The following ZNF704 variants were observed in gnomAD, a reference collection of about 807,000 sequenced individuals.
ZNF704 encodes the protein zinc finger protein 704, also known as glucocorticoid induced gene 1.
Under a neutral mutation model 44.7 loss-of-function variants are expected in ZNF704, and 10 were observed. The ratio of observed to expected loss-of-function variants is 0.22; its 90% CI spans 0.14 to 0.38. ZNF704 has a LOEUF of 0.38. Among genes scored for constraint, ZNF704 ranks in the 10% least tolerant of loss-of-function variants. The pLI is 1.00. For synonymous variants in ZNF704, 211 were observed against 207.6 expected, an observed-to-expected ratio of 1.02 and a Z score of -0.14; for missense variants, 390 against 545.5, an observed-to-expected ratio of 0.71 and a Z score of 2.84.
chr8:80,736,682 T>C (rs182975425), intron 2 of ZNF704, among the ~76,000 whole-genome samples: 1 of 152,236 alleles, frequency 6.6e-6, no homozygotes, highest in Admixed American at 6.5e-5. Context: ...CAATGGACTT[T>C]GGGGACTCAG....
intron 1 of ZNF704, among the ~76,000 whole-genome samples, chr8:80,873,171 TCA>T (rs1288499164): frequency 6.6e-6 from 1 of 152,054 alleles, no homozygotes; most frequent in Non-Finnish European, 1.5e-5. Flanking sequence ...GAATAAAATC[TCA>T]CTCTCCCCTG....
At chr8:80,741,108 G>T (rs1331533535) in intron 2 of ZNF704, among the ~76,000 whole-genome samples, 2 of 152,210 alleles carry the variant, frequency 1.3e-5, no homozygotes, top group Non-Finnish European at 2.9e-5. Context: ...AAACCCTAAA[G>T]CAACTAAGAG....
At position 80,685,938 on chromosome 8, in the gene ZNF704, C is replaced by T. The variant is rs566269563; in HGVS notation, c.558+1288G>A. Among the ~76,000 whole-genome samples, 307 of 152,290 alleles carry T rather than the reference C, an allele frequency of 2.0e-3. 2 individuals carry two copies. Among genetic ancestry groups the T allele is most frequent in the African/African-American group, 7.1e-3 (296 of 41,562 alleles). On this transcript the variant is annotated intron_variant, in intron 4 of 8. Transcript: ENST00000327835. The stretch of plus-strand genomic sequence containing the variant: ...TTTGTATTGGATTTTTGTTTGTGAA[C>T]AGCCATTCATAATGAAGCTACCAAT...
At position 80,687,197 on chromosome 8, in the gene ZNF704, T is replaced by C. The variant is rs199799068; in HGVS notation, c.558+29A>G. 1.7e-5 allele frequency: 27 copies of C among 1,591,870 alleles called. 1 individual carries two copies. In the South Asian group the frequency reaches 2.9e-4, roughly 17 times the overall value. On this transcript the variant is annotated intron_variant, in intron 4 of 8. Transcript: ENST00000327835. ...CAGAAAGCACCTTCAGGAAACTGAA[T>C]GCAGAAGACCGCGTGGCTGACCACC...
chr8:80,839,732 A>T (rs1475661974), intron 1 of ZNF704, among the ~76,000 whole-genome samples: 1 of 152,176 alleles, frequency 6.6e-6, no homozygotes, highest in Non-Finnish European at 1.5e-5. Context: ...AGATGACTGT[A>T]GGGGGACCTT....
rs191091032 is a variant in ZNF704, at chr8:80,840,615, C to A, written c.-21-19000G>T. On this transcript the variant is annotated intron_variant, in intron 1 of 8. Transcript: ENST00000327835. ...ATCCCCTGATCCTGCTCAACTATTG[C>A]TCCTCTGCTCTATTCCCCGTCAGTC... is the stretch of plus-strand genomic sequence containing the variant. Among the ~76,000 whole-genome samples, 33 of 152,246 alleles carry A rather than the reference C, an allele frequency of 2.2e-4. No individual in the cohort carries two copies. In the East Asian group the frequency reaches 5.2e-3, roughly 24 times the overall value.
intron 2 of ZNF704, among the ~76,000 whole-genome samples, chr8:80,782,004 C>T (rs1807531798): frequency 6.6e-6 from 1 of 152,182 alleles, no homozygotes; most frequent in South Asian, 2.1e-4. Context: ...ATGGCTTTTG[C>T]TATATCTCAT....
intron 7 of ZNF704, among the ~76,000 whole-genome samples, chr8:80,646,557 C>T (rs553655952): frequency 1.9e-4 from 29 of 151,992 alleles, no homozygotes; most frequent in African/African-American, 7.0e-4. Context: ...CTATTCTATA[C>T]CACTGGTCTT....
intron 1 of ZNF704, among the ~76,000 whole-genome samples, chr8:80,825,008 C>T (rs893465174): frequency 9.9e-5 from 15 of 152,136 alleles, no homozygotes; most frequent in Admixed American, 2.6e-4. Context: ...AGGAAGAAAC[C>T]GCATCAACTA....
chr8:80,680,017 T>C (rs1818427986), intron 4 of ZNF704, among the ~76,000 whole-genome samples: 2 of 152,298 alleles, frequency 1.3e-5, no homozygotes, highest in Middle Eastern at 3.4e-3. Context: ...GTCCCTGATT[T>C]TCTCTCTGCT....
chr8:80,796,717 T>A (rs1433957380), intron 2 of ZNF704, among the ~76,000 whole-genome samples: 2 of 151,904 alleles, frequency 1.3e-5, no homozygotes, highest in African/African-American at 4.8e-5. Context: ...GGAAGAAGAC[T>A]GGGTGTGGTG....
chr8:80,783,885 C>T (rs1037301671), intron 2 of ZNF704, among the ~76,000 whole-genome samples: 2 of 152,104 alleles, frequency 1.3e-5, no homozygotes, highest in African/African-American at 4.8e-5. Context: ...CTCTACTCAT[C>T]CCTCCCTTCC....
chr8:80,875,391 G>A (rs547536662), upstream of ZNF704, among the ~76,000 whole-genome samples: 4 of 152,092 alleles, frequency 2.6e-5, no homozygotes, highest in East Asian at 1.9e-4. Context: ...TGTAACCTCC[G>A]CCACCTGGGT....
At chr8:80,682,132 G>C (rs968111476) in intron 4 of ZNF704, among the ~76,000 whole-genome samples, 1 of 152,192 alleles carries the variant, frequency 6.6e-6, no homozygotes, top group South Asian at 2.1e-4. Context: ...TAGTGGGTTA[G>C]GAATTAAGTC....
At chr8:80,742,799 CAGTT>C (rs943957283) in intron 2 of ZNF704, among the ~76,000 whole-genome samples, 4 of 152,018 alleles carry the variant, frequency 2.6e-5, no homozygotes, top group South Asian at 2.1e-4. Flanking sequence ...CAGCAGGAAG[CAGTT>C]AGAGCGGTTG....
At chr8:80,824,315 A>G (rs1305814231) in intron 1 of ZNF704, among the ~76,000 whole-genome samples, 1 of 152,188 alleles carries the variant, frequency 6.6e-6, no homozygotes, top group Non-Finnish European at 1.5e-5. Context: ...TCAAGTGGAA[A>G]AAAGGGTATC....
the ZNF704 span, among the ~76,000 whole-genome samples, chr8:80,883,971 A>T: frequency 5.7e-4 from 87 of 152,322 alleles, no homozygotes; most frequent in African/African-American, 2.0e-3. Context: ...AATTAACCCC[A>T]GCAACCTATC....
chr8:80,777,915 A>G (rs755614263), intron 2 of ZNF704, among the ~76,000 whole-genome samples: 1 of 152,026 alleles, frequency 6.6e-6, no homozygotes, highest in Non-Finnish European at 1.5e-5. Context: ...TAACCCACAA[A>G]TATCATAACA....
At chr8:80,880,204 T>A in the ZNF704 span, among the ~76,000 whole-genome samples, 1 of 152,166 alleles carries the variant, frequency 6.6e-6, no homozygotes, top group Non-Finnish European at 1.5e-5. Context: ...AGAGGAAGTC[T>A]TTGCTATGTG....
Sources: allele counts gnomAD v4.1 joint callset (sites outside exome capture counted in the v4.1 genomes callset), GRCh38; gene constraint gnomAD v4.1.1; transcripts MANE v1.5; gene names NCBI Gene and HGNC (gene_info 2026-07-23, HGNC 2026-07-21).